The following MLLT6 variants were observed in gnomAD, a reference collection of about 807,000 sequenced individuals.
The protein encoded by MLLT6 is protein AF-17.
A neutral mutation model predicts 103.0 loss-of-function variants in MLLT6; 22 were observed. The ratio of observed to expected loss-of-function variants is 0.21; its 90% confidence interval spans 0.15 to 0.31. The LOEUF (loss-of-function observed/expected upper bound fraction) is 0.31. MLLT6 is among the 10% of genes least tolerant of loss of function. The pLI is 1.00. For synonymous variants in MLLT6, 606 were observed against 623.5 expected (o/e 0.97, Z 0.42); for missense variants, 1,199 against 1,441.7 (o/e 0.83, Z 2.73).
chr17:38,727,284 G>A lies in MLLT6; in HGVS notation c.*1686G>A. ...TTAATATTCCTGTTGATAAGACTTT[G>A]TAAGATGTTAGGGAGCTGATAATGG... On this transcript the variant is annotated 3_prime_UTR_variant, in exon 20 of 20. Coordinates refer to ENST00000621332, the MANE Select transcript of MLLT6 (RefSeq NM_005937.4). 8.9e-6 allele frequency: 2 copies of A among 223,488 alleles called. No individual in the cohort carries two copies. Among genetic ancestry groups the A allele is most frequent in the Non-Finnish European group, 1.8e-5 (2 of 112,852 alleles). 13.8% of individuals were successfully genotyped at this position (223,488 alleles called of 1,614,324 possible).
chr17:38,712,877 G>A (rs750095949), intron 8 of MLLT6, 88 bp downstream of exon 8: 1 of 923,286 alleles, frequency 1.1e-6, no homozygotes, highest in Non-Finnish European at 1.8e-6. Context: ...GTGAGTCAGG[G>A]ACCTGGGCAC....
intron 4 of MLLT6, among the ~76,000 whole-genome samples, chr17:38,708,699 C>A (rs912566124): frequency 2.6e-5 from 4 of 152,082 alleles, no homozygotes; most frequent in Non-Finnish European, 4.4e-5. Context: ...AGTTTGAGAC[C>A]GGCCTGGTCA....
intron 18 of MLLT6, among the ~76,000 whole-genome samples, chr17:38,723,517 A>G (rs1026756978): frequency 2.6e-5 from 4 of 152,212 alleles, no homozygotes; most frequent in Non-Finnish European, 2.9e-5. Flanking sequence ...AGTTGAAAAA[A>G]TAAGAAAAAT....
intron 6 of MLLT6, among the ~76,000 whole-genome samples, chr17:38,710,420 C>T (rs1029989647): frequency 2.0e-5 from 3 of 152,048 alleles, no homozygotes; most frequent in East Asian, 1.9e-4. Flanking sequence ...GGCCTGTAAG[C>T]GGGAGAGTAA....
intron 8 of MLLT6, among the ~76,000 whole-genome samples, chr17:38,715,094 A>G (rs1391295272): frequency 6.6e-6 from 1 of 152,190 alleles, no homozygotes; most frequent in East Asian, 1.9e-4. Context: ...AGTGTGTGCA[A>G]TCAGGTTGTC....
rs140062800 is a variant in MLLT6 at position 38,715,477 on chromosome 17, C to T, written c.820-135C>T. The T allele has an allele frequency of 5.4e-4, 761 of 1,405,792 alleles. 7 individuals are homozygous for T. The East Asian group carries it at 0.016, about 30-fold the overall frequency. 87.1% of individuals were successfully genotyped at this position (1,405,792 alleles called of 1,614,324 possible). On this transcript the variant is annotated intron_variant, in intron 8 of 19. Transcript: ENST00000621332. ...TAGGAGCTCCTGGCCACTCCCTGCC[C>T]GGAAGTCCTTCATGAAACTAGCTGT...
At chr17:38,713,458 G>T (rs553069315) in intron 8 of MLLT6, 1 of 203,098 alleles carries the variant, frequency 4.9e-6, no homozygotes, top group Non-Finnish European at 9.8e-6. Context: ...CTGGTAGGGT[G>T]GGGGGAGATG....
At chr17:38,721,808 T>G (rs1905758537) in intron 16 of MLLT6, 70 bp from the exon 17 acceptor site, 4 of 1,067,814 alleles carry the variant, frequency 3.7e-6, no homozygotes, top group Non-Finnish European at 5.2e-6. Flanking sequence ...AGAATGCTGG[T>G]GGGTGCTGGG....
In MLLT6 at chr17:38,716,078, CT is replaced by C. The variant is rs1378416328; in HGVS notation, c.1036+251del. 1.7e-6 allele frequency: 1 copy of C among 601,316 alleles called. No homozygotes were observed. The highest frequency in any genetic ancestry group is 2.9e-6 in the Non-Finnish European group (1 of 342,346). 37.2% of individuals were successfully genotyped at this position (601,316 alleles called of 1,614,324 possible). A position where few individuals can be genotyped will look rare whatever the true frequency, so the allele number is the denominator to read the frequency against. On this transcript the variant is annotated intron_variant, in intron 9 of 19. Coordinates refer to ENST00000621332, the MANE Select transcript of MLLT6 (RefSeq NM_005937.4). The surrounding 1 kb of genome is among the most constrained non-coding windows in gnomAD (Gnocchi z 5.6). ...GTATTCCTTATCCCCTACATTTGTG[CT>C]GCAAGGTACAATTTTTCAAGAACCC...
intron 4 of MLLT6, among the ~76,000 whole-genome samples, chr17:38,708,602 A>G (rs780832871): frequency 6.6e-6 from 1 of 152,210 alleles, no homozygotes; most frequent in East Asian, 1.9e-4. Context: ...TAAATTAATC[A>G]AAATTAAAAG....
At position 38,720,457 on chromosome 17, in the gene MLLT6, G is replaced by T; in HGVS notation, c.2241G>T (p.Lys747Asn). The T allele has an allele frequency of 6.2e-7, 1 of 1,612,986 alleles. No individual in the cohort carries two copies. The highest frequency in any genetic ancestry group is 8.5e-7 in the Non-Finnish European group (1 of 1,179,982). ...QEQILSLTAK[K>N]ERLQILNVQL... ...AGATCCTGAGCCTGACGGCCAAAAAGGAGCGGCTGCAGATTCTCAACGTGC... is the reference window on the plus strand; with the variant it reads ...AGATCCTGAGCCTGACGGCCAAAAATGAGCGGCTGCAGATTCTCAACGTGC... Residue 747 changes from lysine to asparagine, a missense_variant, in exon 15 of 20, where the codon AAG (lysine) becomes AAT (asparagine). Physicochemically the swap from Lys to Asn is moderately conservative, Grantham distance 94. Around this residue, in one of 7 missense-constraint regions of MLLT6, gnomAD observed 1,034 missense variants for 1,091.5 expected, o/e 0.95. Coordinates refer to ENST00000621332, the MANE Select transcript of MLLT6 (RefSeq NM_005937.4).
chr17:38,710,848 G>A (rs891585920), intron 6 of MLLT6, among the ~76,000 whole-genome samples: 1 of 152,184 alleles, frequency 6.6e-6, no homozygotes, highest in African/African-American at 2.4e-5. Context: ...GTGGTTTCAG[G>A]GTTTGATGAT....
rs1456107868 is a variant in MLLT6, at chr17:38,720,499, C to T, written c.2283C>T (p.Phe761=). Reference sequence around the variant, plus strand: ...TCAACGTGCAGCTCTCTGTGCCCTTCCCTGCCCTGCCTGCTGCCCTGCCTG... The same window carrying T: ...TCAACGTGCAGCTCTCTGTGCCCTTTCCTGCCCTGCCTGCTGCCCTGCCTG... ...QILNVQLSVP[F]PALPAALPAA... is the part of the protein sequence containing the mutation. Residue 761 remains phenylalanine (F), a synonymous_variant, in exon 15 of 20, where the codon TTC becomes TTT. Coordinates refer to ENST00000621332, the MANE Select transcript of MLLT6 (RefSeq NM_005937.4). 6.2e-7 allele frequency: 1 copy of T among 1,612,630 alleles called. No individual in the cohort carries two copies. The highest frequency in any genetic ancestry group is 8.5e-7 in the Non-Finnish European group (1 of 1,179,818).
Position 38,709,161 on chromosome 17 carries a change from T to C in MLLT6, c.355-12T>C. 1 of 1,606,166 alleles carries C rather than the reference T, an allele frequency of 6.2e-7. No individual in the cohort carries two copies. Among genetic ancestry groups the C allele is most frequent in the Non-Finnish European group, 8.5e-7 (1 of 1,176,840 alleles). ...TCCCTGGAGGAGGGGACGATTGCGC[T>C]GTGTCCTGCAGACCTGTTACATCTG... On this transcript the variant is annotated splice_polypyrimidine_tract_variant and intron_variant, in intron 4 of 19. Transcript: ENST00000621332. The surrounding 1 kb of genome is among the most constrained non-coding windows in gnomAD (Gnocchi z 4.3).
At chr17:38,715,588 A>G (rs781142975) in intron 8 of MLLT6, 24 bp from the exon 9 acceptor site, 1 of 1,594,146 alleles carries the variant, frequency 6.3e-7, no homozygotes, top group Non-Finnish European at 8.5e-7. Flanking sequence ...CTGGTGTTGA[A>G]CCTTCCTCTC....
At chr17:38,712,363 C>T (rs1273344099) in intron 7 of MLLT6, among the ~76,000 whole-genome samples, 1 of 152,224 alleles carries the variant, frequency 6.6e-6, no homozygotes, top group African/African-American at 2.4e-5. Context: ...CATAGCACAG[C>T]GTGCCCAGCT....
intron 7 of MLLT6, 165 bp downstream of exon 7, chr17:38,712,179 G>A (rs927426163): frequency 1.2e-5 from 11 of 935,060 alleles, no homozygotes; most frequent in African/African-American, 7.1e-5. Flanking sequence ...ACGGTGGGGG[G>A]GTGAGGCGGG....
chr17:38,708,056 G>A (rs1285465013), intron 4 of MLLT6, 184 bp downstream of exon 4: 3 of 589,158 alleles, frequency 5.1e-6, no homozygotes, highest in African/African-American at 3.7e-5. Context: ...CTGGCACTCA[G>A]GTGAAATAGT....
chr17:38,720,210 C>G, intron 14 of MLLT6, 162 bp from the exon 15 acceptor site: 1 of 762,312 alleles, frequency 1.3e-6, no homozygotes, highest in Admixed American at 2.8e-5. Context: ...CTGTGGCTCC[C>G]CAAGTCCCGC....
Sources: gnomAD v4.1 joint callset for allele counts (sites outside exome capture counted in the v4.1 genomes callset) on GRCh38, gnomAD v4.1.1 for gene constraint, gnomAD v4.1.1 regional missense constraint, Gnocchi (gnomAD v3.1) non-coding constraint, MANE v1.5 for transcripts, NCBI Gene and HGNC (gene_info 2026-07-23, HGNC 2026-07-21) for gene names.